The following STRBP variants were observed in gnomAD, a reference collection of about 807,000 sequenced individuals.
The protein encoded by STRBP is spermatid perinuclear RNA binding protein.
In STRBP, 13 loss-of-function variants were observed where a neutral mutation model predicts 80.1. That is an observed-to-expected ratio of 0.16 (90% confidence interval 0.11 to 0.26). The LOEUF (loss-of-function observed/expected upper bound fraction) is 0.26, where lower values mean the gene tolerates loss of function less well. STRBP is among the 10% of genes least tolerant of loss of function. The pLI, the probability that STRBP is intolerant of heterozygous loss-of-function variation, is 1.00. For synonymous variants in STRBP, 284 were observed against 291.2 expected, an observed-to-expected ratio of 0.98 and a Z score of 0.25; for missense variants, 485 against 815.2, an observed-to-expected ratio of 0.59 and a Z score of 4.93.
At chr9:123,153,708 T>C (rs567602671) in intron 11 of STRBP, among the ~76,000 whole-genome samples, 12 of 152,276 alleles carry the variant, frequency 7.9e-5, no homozygotes, top group African/African-American at 2.9e-4. Context: ...TGGACATCCA[T>C]GTAGCGATAT....
At chr9:123,257,003 T>C (rs1352514718) in intron 1 of STRBP, among the ~76,000 whole-genome samples, 1 of 151,996 alleles carries the variant, frequency 6.6e-6, no homozygotes, top group Non-Finnish European at 1.5e-5. Flanking sequence ...CGTAACATTG[T>C]CAAACTCATA....
chr9:123,237,222 G>A (rs1479760421), intron 1 of STRBP, among the ~76,000 whole-genome samples: 1 of 152,142 alleles, frequency 6.6e-6, no homozygotes, highest in African/African-American at 2.4e-5. Context: ...CATTCCTACT[G>A]AAATCTACAG....
At chr9:123,160,525 T>A in intron 7 of STRBP, 63 bp from the exon 8 acceptor site, 1 of 1,323,012 alleles carries the variant, frequency 7.6e-7, no homozygotes, top group Non-Finnish European at 1.0e-6. Flanking sequence ...TTGGGCAAGT[T>A]CTTTCAAGTG....
chr9:123,233,231 TC>T (rs886196015), intron 2 of STRBP, among the ~76,000 whole-genome samples: 8 of 152,014 alleles, frequency 5.3e-5, no homozygotes, highest in African/African-American at 1.9e-4. Context: ...TACCACCACA[TC>T]TGGCTAATTT....
At chr9:123,133,696 C>T (rs1413904165) in intron 16 of STRBP, among the ~76,000 whole-genome samples, 1 of 152,078 alleles carries the variant, frequency 6.6e-6, no homozygotes, top group Non-Finnish European at 1.5e-5. Flanking sequence ...CCCGCCACCA[C>T]ACCTGGCTAA....
Position 123,258,750 on chromosome 9 carries a change from A to G in STRBP, c.-302+9686T>C, listed in dbSNP as rs530668734. Among the ~76,000 whole-genome samples the G allele has an allele frequency of 1.7e-3, 251 of 150,424 alleles. 1 individual carries two copies. Among genetic ancestry groups the G allele is most frequent in the Admixed American group, 4.5e-3 (68 of 15,050 alleles). ...CCGGAGGCAGAGCTTGCAGTGAGCCAAGATCGGGCCACTGCACTCCAGCCT... is the reference window on the plus strand; with the variant it reads ...CCGGAGGCAGAGCTTGCAGTGAGCCGAGATCGGGCCACTGCACTCCAGCCT... On this transcript the variant is annotated intron_variant, in intron 1 of 18. Coordinates refer to ENST00000348403, the MANE Select transcript of STRBP (RefSeq NM_018387.5).
intron 5 of STRBP, among the ~76,000 whole-genome samples, chr9:123,171,421 G>A (rs914041371): frequency 1.3e-5 from 2 of 152,086 alleles, no homozygotes; most frequent in South Asian, 2.1e-4. Context: ...TGGTCCATAA[G>A]GAAATAATAT....
intron 11 of STRBP, among the ~76,000 whole-genome samples, chr9:123,153,129 G>C (rs915329490): frequency 6.6e-6 from 1 of 152,006 alleles, no homozygotes; most frequent in Non-Finnish European, 1.5e-5. Context: ...CAATAATCCA[G>C]GTGAGAGATG....
chr9:123,157,338 T>A (rs1053881994), intron 11 of STRBP, among the ~76,000 whole-genome samples: 2 of 152,234 alleles, frequency 1.3e-5, no homozygotes, highest in African/African-American at 4.8e-5. Context: ...TTATCGCTGA[T>A]TTCTTCTCCT....
At position 123,136,543 on chromosome 9, in the gene STRBP, C is replaced by A; in HGVS notation, c.1498-28G>T. ...ATAAGAGAAAGGGAATCTGAAGGTT[C>A]AATCAAGTAAGATTTTAGAATATTA... On this transcript the variant is annotated intron_variant, in intron 14 of 18. Coordinates refer to ENST00000348403, the MANE Select transcript of STRBP (RefSeq NM_018387.5). The surrounding 1 kb of genome is among the most constrained non-coding windows in gnomAD (Gnocchi z 4.2). 2 of 1,605,076 alleles carry A rather than the reference C, an allele frequency of 1.2e-6. No homozygotes were observed. The highest frequency in any genetic ancestry group is 2.2e-5 in the South Asian group (2 of 89,270).
intron 11 of STRBP, 33 bp from the exon 12 acceptor site, chr9:123,147,903 C>A: frequency 6.4e-7 from 1 of 1,562,350 alleles, no homozygotes; most frequent in South Asian, 1.1e-5. Flanking sequence ...CATTATCAGT[C>A]AAAACAACAA....
At chr9:123,244,098 A>T (rs1046704179) in intron 1 of STRBP, among the ~76,000 whole-genome samples, 2 of 152,220 alleles carry the variant, frequency 1.3e-5, no homozygotes, top group African/African-American at 2.4e-5. Context: ...CCACTATAGG[A>T]TATTATTCAG....
At chr9:123,111,159 G>A (rs2035559976) in intron 3 of STRBP, 1 of 167,954 alleles carries the variant, frequency 6.0e-6, no homozygotes, top group African/African-American at 2.4e-5. Flanking sequence ...GGGAGCCAGT[G>A]AAGTGATATC....
intron 13 of STRBP, among the ~76,000 whole-genome samples, 189 bp downstream of exon 13, chr9:123,146,666 T>A (rs1222039104): frequency 6.6e-6 from 1 of 151,542 alleles, no homozygotes. Context: ...ATTTTCCAAA[T>A]TTTGTAAGAC....
chr9:123,259,083 G>GGT (rs1564341501), intron 1 of STRBP, among the ~76,000 whole-genome samples: 40 of 149,244 alleles, frequency 2.7e-4, no homozygotes, highest in African/African-American at 9.7e-4. Flanking sequence ...AAAGGGGGGG[G>GGT]GATTACTGCA....
intron 13 of STRBP, among the ~76,000 whole-genome samples, chr9:123,142,903 CT>C (rs544655541): frequency 2.4e-4 from 36 of 152,242 alleles, no homozygotes; most frequent in Non-Finnish European, 4.6e-4. Context: ...ATCAATTGAG[CT>C]TAAAAATGAC....
rs754531386 is a variant in STRBP, at chr9:123,161,069, C to CT, written c.536-2dup. On this transcript the variant is annotated splice_acceptor_variant, in intron 6 of 18. Coordinates refer to ENST00000348403, the MANE Select transcript of STRBP (RefSeq NM_018387.5). LOFTEE classifies it high-confidence loss of function. Reference sequence around the variant, plus strand: ...GGAGGATCTTTCATCGAAACATTTTCTAACAGTAAAATGGGATAAAGAGAG... The same window carrying CT: ...GGAGGATCTTTCATCGAAACATTTTCTTAACAGTAAAATGGGATAAAGAGAG... 1.3e-6 allele frequency: 2 copies of CT among 1,596,738 alleles called. No individual in the cohort carries two copies. The highest frequency in any genetic ancestry group is 2.7e-5 in the African/African-American group (2 of 73,602).
intron 1 of STRBP, among the ~76,000 whole-genome samples, chr9:123,242,488 GTC>G (rs1271463284): frequency 2.6e-5 from 4 of 152,058 alleles, no homozygotes; most frequent in Non-Finnish European, 5.9e-5. Context: ...GCAAAACCCC[GTC>G]TCTACTAAAA....
At chr9:123,173,172 C>T (rs1184492966) in intron 5 of STRBP, among the ~76,000 whole-genome samples, 2 of 152,064 alleles carry the variant, frequency 1.3e-5, no homozygotes, top group African/African-American at 2.4e-5. Context: ...CTAAATGCAT[C>T]CCAGTGTAAA....
Sources: gnomAD v4.1 joint callset for allele counts (sites outside exome capture counted in the v4.1 genomes callset) on GRCh38, gnomAD v4.1.1 for gene constraint, Gnocchi (gnomAD v3.1) non-coding constraint, MANE v1.5 for transcripts, NCBI Gene and HGNC (gene_info 2026-07-23, HGNC 2026-07-21) for gene names.